Variants in ADCYAP1R1 observed in about 807,000 individuals in gnomAD.
The protein encoded by ADCYAP1R1 is ADCYAP receptor type I.
Under a neutral mutation model 67.6 loss-of-function variants are expected in ADCYAP1R1, and 44 were observed. That is an observed-to-expected ratio of 0.65 (90% confidence interval 0.51 to 0.84). ADCYAP1R1 has a LOEUF of 0.84. Ranked by LOEUF, ADCYAP1R1 falls within the 40% of genes least tolerant of loss-of-function variation. The pLI is 0.00. For synonymous variants in ADCYAP1R1, 222 were observed against 219.6 expected, an observed-to-expected ratio of 1.01 and a Z score of -0.10; for missense variants, 477 against 587.9, an observed-to-expected ratio of 0.81 and a Z score of 1.95.
chr7:31,078,869 C>T (rs1408206812), intron 4 of ADCYAP1R1, among the ~76,000 whole-genome samples: 4 of 152,100 alleles, frequency 2.6e-5, no homozygotes, highest in South Asian at 2.1e-4. Context: ...CGCGGGTGTG[C>T]GATGGCGCCT....
chr7:31,068,238 C>T (rs1465433469), intron 3 of ADCYAP1R1, among the ~76,000 whole-genome samples: 1 of 152,124 alleles, frequency 6.6e-6, no homozygotes, highest in Admixed American at 6.5e-5. Flanking sequence ...CACACACACA[C>T]GTACAAGAAC....
chr7:31,090,938 A>C (rs547758437), intron 12 of ADCYAP1R1, among the ~76,000 whole-genome samples: 23 of 152,340 alleles, frequency 1.5e-4, no homozygotes, highest in African/African-American at 5.5e-4. Context: ...TATACTCAGT[A>C]ATGGGATTGC....
chr7:31,080,847 G>A (rs553690690), intron 5 of ADCYAP1R1, among the ~76,000 whole-genome samples: 1 of 152,292 alleles, frequency 6.6e-6, no homozygotes, highest in African/African-American at 2.4e-5. Flanking sequence ...CACAACACAA[G>A]CACGACCTCA....
rs564777861 is a variant in ADCYAP1R1, at chr7:31,075,736, T to TG, written c.158-2249dup. ...AGCCCAGAAAGCATGGGATTGTTGGTGGGGGGCTTGTGACATGGCCAGATA... is the reference window on the plus strand; with the variant it reads ...AGCCCAGAAAGCATGGGATTGTTGGTGGGGGGGCTTGTGACATGGCCAGATA... On this transcript the variant is annotated intron_variant, in intron 3 of 15. Coordinates refer to ENST00000304166, the MANE Select transcript of ADCYAP1R1 (RefSeq NM_001118.5). 1.3e-4 allele frequency among the ~76,000 whole-genome samples: 20 copies of TG among 152,064 alleles called. No individual in the cohort carries two copies. The South Asian group carries it at 4.2e-3, about 32-fold the overall frequency.
chr7:31,100,504 C>T (rs1357424692), intron 13 of ADCYAP1R1, among the ~76,000 whole-genome samples: 2 of 152,142 alleles, frequency 1.3e-5, no homozygotes, highest in African/African-American at 4.8e-5. Context: ...CTTCCTCAGT[C>T]CCCAACTTCT....
At chr7:31,087,602 T>A (rs1168400533) in intron 11 of ADCYAP1R1, 25 bp from the exon 12 acceptor site, 3 of 1,612,368 alleles carry the variant, frequency 1.9e-6, no homozygotes, top group Non-Finnish European at 2.5e-6. Flanking sequence ...AGACGTGATC[T>A]TGCTTCTCTC....
intron 15 of ADCYAP1R1, 30 bp downstream of exon 15, chr7:31,104,939 A>G (rs774779842): frequency 6.2e-7 from 1 of 1,612,956 alleles, no homozygotes; most frequent in Non-Finnish European, 8.5e-7. Flanking sequence ...GCTTCTTGGC[A>G]GTGGAAGTGG....
intron 1 of ADCYAP1R1, among the ~76,000 whole-genome samples, chr7:31,055,825 G>C (rs769801171): frequency 2.0e-5 from 3 of 152,204 alleles, no homozygotes; most frequent in Non-Finnish European, 2.9e-5. Context: ...TCTACGTGGA[G>C]CTCAGAGTGC....
At chr7:31,075,387 A>G (rs1795167018) in intron 3 of ADCYAP1R1, among the ~76,000 whole-genome samples, 1 of 151,968 alleles carries the variant, frequency 6.6e-6, no homozygotes, top group East Asian at 1.9e-4. Flanking sequence ...AGCCCTCTCC[A>G]TAGCCTTCCT....
chr7:31,094,044 T>C (rs1310087149), intron 13 of ADCYAP1R1, among the ~76,000 whole-genome samples: 3 of 152,018 alleles, frequency 2.0e-5, no homozygotes, highest in African/African-American at 7.2e-5. Flanking sequence ...TCCTCAGGGG[T>C]GGGGGACTAG....
In ADCYAP1R1 at chr7:31,079,725, ACTGCACT is replaced by A. The variant is rs138705853; in HGVS notation, c.266-882_266-876del. ...CCACCCCAAGGTTTGTCTAAGATGC[ACTGCACT>A]CTGCAGCAACACCTCCACCTCCAGA... On this transcript the variant is annotated intron_variant, in intron 4 of 15. Transcript: ENST00000304166. Among the ~76,000 whole-genome samples, 1,005 of 152,258 alleles carry A rather than the reference ACTGCACT, an allele frequency of 6.6e-3. 15 individuals are homozygous for A. The highest frequency in any genetic ancestry group is 0.018 in the East Asian group (94 of 5,162).
At chr7:31,054,475 T>C (rs898979573) in intron 1 of ADCYAP1R1, among the ~76,000 whole-genome samples, 4 of 152,208 alleles carry the variant, frequency 2.6e-5, no homozygotes, top group African/African-American at 9.7e-5. Context: ...CATGGCCACC[T>C]CTCTCTGTTG....
intron 6 of ADCYAP1R1, among the ~76,000 whole-genome samples, chr7:31,082,100 A>G (rs1050888900): frequency 6.6e-6 from 1 of 152,320 alleles, no homozygotes; most frequent in Admixed American, 6.5e-5. Flanking sequence ...TACCTTGTGC[A>G]CTTGTTAAAC....
At chr7:31,089,068 T>C (rs1297381461) in intron 12 of ADCYAP1R1, among the ~76,000 whole-genome samples, 1 of 152,206 alleles carries the variant, frequency 6.6e-6, no homozygotes, top group African/African-American at 2.4e-5. Context: ...TTGTTCTTGT[T>C]ATGTTTACCT....
chr7:31,079,648 A>C (rs923333089), intron 4 of ADCYAP1R1, among the ~76,000 whole-genome samples: 1 of 152,220 alleles, frequency 6.6e-6, no homozygotes, highest in African/African-American at 2.4e-5. Context: ...AGGAGGTGGC[A>C]GAGAAAACAG....
intron 1 of ADCYAP1R1, among the ~76,000 whole-genome samples, chr7:31,058,040 C>A (rs1294023341): frequency 6.6e-6 from 1 of 152,180 alleles, no homozygotes. Flanking sequence ...TCCACACACC[C>A]CTGTGTGGGC....
chr7:31,071,318 A>T (rs1195487304), intron 3 of ADCYAP1R1, among the ~76,000 whole-genome samples: 1 of 152,054 alleles, frequency 6.6e-6, no homozygotes. Context: ...TGGGCACTTT[A>T]TAAGGTCTTA....
At chr7:31,074,953 G>A (rs530584862) in intron 3 of ADCYAP1R1, among the ~76,000 whole-genome samples, 1 of 152,332 alleles carries the variant, frequency 6.6e-6, no homozygotes, top group African/African-American at 2.4e-5. Flanking sequence ...CTCCAAAATA[G>A]CCGGGTGTGA....
At chr7:31,085,195 G>T in intron 8 of ADCYAP1R1, 115 bp from the exon 9 acceptor site, 3 of 1,418,774 alleles carry the variant, frequency 2.1e-6, no homozygotes, top group South Asian at 2.7e-5. Context: ...GGGTGGCCTG[G>T]GTGGGAGACC....
Sources: allele counts gnomAD v4.1 joint callset (sites outside exome capture counted in the v4.1 genomes callset), GRCh38; gene constraint gnomAD v4.1.1; transcripts MANE v1.5; gene names NCBI Gene and HGNC (gene_info 2026-07-23, HGNC 2026-07-21).